Variants in FARP1 observed in about 807,000 individuals in gnomAD.
FARP1 encodes FERM, ARH/RhoGEF and pleckstrin domain protein 1, also known as FERM, ARHGEF and pleckstrin domain-containing protein 1.
A neutral mutation model predicts 128.8 loss-of-function variants in FARP1; 52 were observed. That is an observed-to-expected ratio of 0.40 (90% confidence interval 0.32 to 0.51). The LOEUF (loss-of-function observed/expected upper bound fraction) is 0.51. Among genes scored for constraint, FARP1 ranks in the 20% least tolerant of loss-of-function variants. FARP1 has a pLI of 0.45. For missense variants in FARP1, 1,333 were observed against 1,367.9 expected, an observed-to-expected ratio of 0.97 and a Z score of 0.40; for synonymous variants, 580 against 551.8, an observed-to-expected ratio of 1.05 and a Z score of -0.72.
chr13:98,193,415 A>AGC (rs879413164), intron 1 of FARP1, among the ~76,000 whole-genome samples: 1 of 152,288 alleles, frequency 6.6e-6, no homozygotes, highest in Non-Finnish European at 1.5e-5. Flanking sequence ...ACTTATTTAG[A>AGC]GCAACCTGTC....
intron 2 of FARP1, among the ~76,000 whole-genome samples, chr13:98,292,079 T>G (rs1885475726): frequency 6.6e-6 from 1 of 152,234 alleles, no homozygotes; most frequent in Non-Finnish European, 1.5e-5. Context: ...GCAGGAGTTT[T>G]TCTGTTGACA....
At chr13:98,426,068 T>C (rs1891774901) in intron 17 of FARP1, among the ~76,000 whole-genome samples, 3 of 152,164 alleles carry the variant, frequency 2.0e-5, no homozygotes, top group Admixed American at 2.0e-4. Flanking sequence ...CACCTGTCCA[T>C]CCACCCAGTG....
At chr13:98,373,529 G>GACGGACACACACACAC (rs1264346715) in intron 5 of FARP1, among the ~76,000 whole-genome samples, 3 of 79,166 alleles carry the variant, frequency 3.8e-5, no homozygotes, top group African/African-American at 1.8e-4. Context: ...GAGACAGACA[G>GACGGACACACACACAC]ACAGACACAC....
At chr13:98,248,410 T>C (rs982233288) in intron 2 of FARP1, among the ~76,000 whole-genome samples, 1 of 152,180 alleles carries the variant, frequency 6.6e-6, no homozygotes, top group African/African-American at 2.4e-5. Flanking sequence ...TATTTTCCTG[T>C]GGCCATAGAC....
chr13:98,191,093 G>C (rs1236644735), intron 1 of FARP1, among the ~76,000 whole-genome samples: 1 of 152,164 alleles, frequency 6.6e-6, no homozygotes, highest in Non-Finnish European at 1.5e-5. Context: ...GCCCGACACT[G>C]CTGGAGGCAT....
At chr13:98,388,344 A>T (rs769994959) in intron 8 of FARP1, 39 bp from the exon 9 acceptor site, 2 of 1,487,132 alleles carry the variant, frequency 1.3e-6, no homozygotes, top group Non-Finnish European at 1.9e-6. Context: ...GTTGCTTGTT[A>T]TGCATTTCCT....
chr13:98,443,203 T>C (rs1025614048), intron 24 of FARP1, among the ~76,000 whole-genome samples: 5 of 152,214 alleles, frequency 3.3e-5, no homozygotes, highest in African/African-American at 9.6e-5. Context: ...CTGCAAAGCC[T>C]GAAATATCTG....
chr13:98,360,472 G>C (rs79884376), intron 3 of FARP1, among the ~76,000 whole-genome samples: 2 of 144,488 alleles, frequency 1.4e-5, no homozygotes, highest in Admixed American at 1.4e-4. Flanking sequence ...CACTTGGACA[G>C]ACACTGGAAA....
intron 2 of FARP1, among the ~76,000 whole-genome samples, chr13:98,339,682 A>G (rs1349861344): frequency 1.3e-5 from 2 of 152,216 alleles, no homozygotes; most frequent in African/African-American, 2.4e-5. Context: ...TAAATATACT[A>G]TTGAAACTAT....
At chr13:98,443,877 C>CA (rs1566326211) in intron 24 of FARP1, among the ~76,000 whole-genome samples, 13 of 152,082 alleles carry the variant, frequency 8.5e-5, no homozygotes, top group South Asian at 6.2e-4. Context: ...CAGACAGGAC[C>CA]GGAAGGAGGG....
intron 2 of FARP1, among the ~76,000 whole-genome samples, chr13:98,237,032 G>A (rs574124813): frequency 5.3e-5 from 8 of 151,404 alleles, no homozygotes; most frequent in East Asian, 2.0e-4. Context: ...GGCCGGGCGC[G>A]TGTGGCTCAT....
At position 98,179,720 on chromosome 13, in the gene FARP1, G is replaced by A. The variant is rs148279289; in HGVS notation, c.-23-33500G>A. Among the ~76,000 whole-genome samples the A allele has an allele frequency of 3.2e-4, 48 of 152,106 alleles. 1 individual carries two copies. In the East Asian group the frequency reaches 9.1e-3, roughly 29 times the overall value. ...ATAGAAAAAAAAATTAGCTGGGCGT[G>A]GTGGCGGGTGCCTGTAGCCCCAGCT... On this transcript the variant is annotated intron_variant, in intron 1 of 26. Coordinates refer to ENST00000319562, the MANE Select transcript of FARP1 (RefSeq NM_005766.4).
chr13:98,315,804 G>T (rs1555336834), intron 2 of FARP1, among the ~76,000 whole-genome samples: 1 of 152,240 alleles, frequency 6.6e-6, no homozygotes, highest in Non-Finnish European at 1.5e-5. Context: ...CCAGCAGTAA[G>T]AGCAGTCGGG....
intron 1 of FARP1, among the ~76,000 whole-genome samples, chr13:98,203,603 A>T (rs770004197): frequency 4.6e-5 from 7 of 152,176 alleles, no homozygotes; most frequent in Non-Finnish European, 8.8e-5. Flanking sequence ...GCAGAACAAT[A>T]TTCCCTGGTA....
At chr13:98,370,081 T>G (rs1410176167) in intron 5 of FARP1, among the ~76,000 whole-genome samples, 1 of 152,204 alleles carries the variant, frequency 6.6e-6, no homozygotes, top group Non-Finnish European at 1.5e-5. Flanking sequence ...AAGAACTCTT[T>G]AGGTAATTGA....
rs1876451066 is a variant in FARP1, at chr13:98,155,617, C to T, written c.-24+12125C>T. Among the ~76,000 whole-genome samples the T allele has an allele frequency of 2.6e-5, 4 of 152,094 alleles. No individual in the cohort carries two copies. The South Asian group carries it at 8.3e-4, about 31-fold the overall frequency. ...CATTGCAATCTCTGCCTCCCAGGCT[C>T]AAGTAAGCCTTCCACTTCAGCCTCC... On this transcript the variant is annotated intron_variant, in intron 1 of 26. Coordinates refer to ENST00000319562, the MANE Select transcript of FARP1 (RefSeq NM_005766.4).
At chr13:98,150,752 A>C (rs1875940094) in intron 1 of FARP1, among the ~76,000 whole-genome samples, 1 of 152,188 alleles carries the variant, frequency 6.6e-6, no homozygotes, top group Non-Finnish European at 1.5e-5. Context: ...ACTGAGTTGG[A>C]AAAAACCTAT....
chr13:98,363,947 G>A (rs1389131034), intron 3 of FARP1, among the ~76,000 whole-genome samples: 1 of 152,084 alleles, frequency 6.6e-6, no homozygotes, highest in East Asian at 1.9e-4. Flanking sequence ...TCACCACGTT[G>A]GCTAGGCTGG....
chr13:98,286,792 T>C (rs546952580), intron 2 of FARP1, among the ~76,000 whole-genome samples: 2 of 152,332 alleles, frequency 1.3e-5, no homozygotes, highest in East Asian at 1.9e-4. Context: ...CTTCTTCTTG[T>C]TGTTGTTTAA....
Sources: gnomAD v4.1 joint callset for allele counts (sites outside exome capture counted in the v4.1 genomes callset) on GRCh38, gnomAD v4.1.1 for gene constraint, MANE v1.5 for transcripts, NCBI Gene and HGNC (gene_info 2026-07-23, HGNC 2026-07-21) for gene names.